Variants in ADAM32 observed in about 807,000 individuals in gnomAD.
ADAM32 encodes ADAM metallopeptidase domain 32, also known as disintegrin and metalloproteinase domain-containing protein 32.
ADAM32 carries 89 observed loss-of-function variants against 114.9 expected under a neutral mutation model. That is an observed-to-expected ratio of 0.77 (90% CI 0.65 to 0.92). ADAM32 has a LOEUF of 0.92. ADAM32 is among the 40% of genes least tolerant of loss of function. The probability of loss-of-function intolerance (pLI) is 0.00; values close to 1 mark genes in which losing one functional copy is unlikely to be tolerated. For synonymous variants in ADAM32, 285 were observed against 307.5 expected, an observed-to-expected ratio of 0.93 and a Z score of 0.77; for missense variants, 870 against 932.8, an observed-to-expected ratio of 0.93 and a Z score of 0.88.
intron 2 of ADAM32, among the ~76,000 whole-genome samples, chr8:39,132,968 A>G (rs1802552977): frequency 6.6e-6 from 1 of 151,926 alleles, no homozygotes; most frequent in African/African-American, 2.4e-5. Flanking sequence ...TTTCTTCTTG[A>G]GGTTGGCTGG....
intron 1 of ADAM32, among the ~76,000 whole-genome samples, chr8:39,108,795 G>T (rs1486666844): frequency 6.6e-6 from 1 of 152,176 alleles, no homozygotes; most frequent in Non-Finnish European, 1.5e-5. Context: ...TGTGGTCAAG[G>T]CCAGGGTGTC....
At chr8:39,254,225 C>CTTTT (rs59048344) in intron 17 of ADAM32, among the ~76,000 whole-genome samples, 189 bp from the exon 18 acceptor site, 1 of 125,334 alleles carries the variant, frequency 8.0e-6, no homozygotes, top group Non-Finnish European at 1.7e-5. Flanking sequence ...CTTTATAGTT[C>CTTTT]TTTTTTTTTT....
intron 4 of ADAM32, among the ~76,000 whole-genome samples, chr8:39,148,924 A>G (rs1427392128): frequency 1.3e-5 from 2 of 152,088 alleles, no homozygotes; most frequent in Non-Finnish European, 2.9e-5. Context: ...TCAGAGACCA[A>G]CTCTATACAA....
At chr8:39,137,055 G>A (rs1019362356) in intron 3 of ADAM32, among the ~76,000 whole-genome samples, 1 of 152,226 alleles carries the variant, frequency 6.6e-6, no homozygotes, top group East Asian at 1.9e-4. Flanking sequence ...TTTTATCAGA[G>A]AAGTGGGATG....
intron 17 of ADAM32, among the ~76,000 whole-genome samples, chr8:39,249,853 A>G (rs1049219923): frequency 6.6e-6 from 1 of 151,974 alleles, no homozygotes; most frequent in Non-Finnish European, 1.5e-5. Flanking sequence ...TCTTTATTTC[A>G]TTTCCATTTT....
chr8:39,270,529 T>G (rs762042838), intron 19 of ADAM32, among the ~76,000 whole-genome samples: 1 of 152,146 alleles, frequency 6.6e-6, no homozygotes, highest in Non-Finnish European at 1.5e-5. Flanking sequence ...GTCTTTTCTT[T>G]AAAAATGAAT....
chr8:39,246,226 T>C (rs1810909800), intron 17 of ADAM32, 60 bp downstream of exon 17: 10 of 1,499,720 alleles, frequency 6.7e-6, no homozygotes, highest in Non-Finnish European at 9.2e-6. Flanking sequence ...CATCACTCAT[T>C]AATTTACTGA....
At chr8:39,219,952 T>A (rs1000497282) in intron 12 of ADAM32, among the ~76,000 whole-genome samples, 1 of 152,186 alleles carries the variant, frequency 6.6e-6, no homozygotes, top group African/African-American at 2.4e-5. Context: ...AAGTGTGTAT[T>A]AGTATTAGGT....
intron 6 of ADAM32, chr8:39,158,764 T>C (rs1352437903): frequency 6.5e-6 from 1 of 152,848 alleles, no homozygotes; most frequent in Non-Finnish European, 1.5e-5. Context: ...TCTTGATTGA[T>C]TTGTTTTGAA....
chr8:39,224,125 A>T (rs982042837), intron 14 of ADAM32: 1 of 152,194 alleles, frequency 6.6e-6, no homozygotes, highest in African/African-American at 2.4e-5. Flanking sequence ...TATACTCAGA[A>T]CACAAATAAA....
chr8:39,134,117 C>T (rs547581933), intron 2 of ADAM32, among the ~76,000 whole-genome samples: 52 of 152,274 alleles, frequency 3.4e-4, no homozygotes, highest in African/African-American at 1.2e-3. Flanking sequence ...TGCGCTGCTG[C>T]AGCCCTCTGG....
chr8:39,240,898 A>G (rs539009308), intron 16 of ADAM32, among the ~76,000 whole-genome samples: 2 of 152,268 alleles, frequency 1.3e-5, no homozygotes, highest in Non-Finnish European at 2.9e-5. Flanking sequence ...ACAGTCCCCC[A>G]AAGTCTTAAC....
chr8:39,247,945 C>T (rs1006642314), intron 17 of ADAM32, among the ~76,000 whole-genome samples: 1 of 151,564 alleles, frequency 6.6e-6, no homozygotes, highest in Non-Finnish European at 1.5e-5. Context: ...TTGTTGAAGT[C>T]TTTCTTTTCT....
chr8:39,163,480 T>C (rs948221717), intron 7 of ADAM32, among the ~76,000 whole-genome samples: 5 of 148,818 alleles, frequency 3.4e-5, no homozygotes, highest in Non-Finnish European at 7.5e-5. Flanking sequence ...GAATCAAATT[T>C]TAAGAGACTG....
At position 39,221,528 on chromosome 8, in the gene ADAM32, A is replaced by G. The variant is rs540373235; in HGVS notation, c.1234-82A>G. Reference sequence around the variant, plus strand: ...ATATCCTTTTCCAAATTCAAACAGTAAGCCCATCAAAATATAACTCCTAGT... The same window carrying G: ...ATATCCTTTTCCAAATTCAAACAGTGAGCCCATCAAAATATAACTCCTAGT... On this transcript the variant is annotated intron_variant, in intron 12 of 24. Transcript: ENST00000379907. 22 of 1,056,148 alleles carry G rather than the reference A, an allele frequency of 2.1e-5. No individual in the cohort carries two copies. The South Asian group carries it at 2.9e-4, about 14-fold the overall frequency. The allele number at this position is 1,056,148 out of a possible 1,614,324, so 65.4% of individuals were successfully genotyped here.
intron 15 of ADAM32, among the ~76,000 whole-genome samples, chr8:39,233,499 G>A (rs1292021339): frequency 6.6e-6 from 1 of 152,082 alleles, no homozygotes; most frequent in African/African-American, 2.4e-5. Flanking sequence ...TCGCCATCTT[G>A]GTTTTGGTAA....
intron 2 of ADAM32, among the ~76,000 whole-genome samples, chr8:39,125,291 G>A (rs1341227551): frequency 1.3e-5 from 2 of 152,048 alleles, no homozygotes; most frequent in East Asian, 3.9e-4. Flanking sequence ...GTCTTGCTAG[G>A]TTTTGGACTT....
chr8:39,211,306 T>C lies in ADAM32; in HGVS notation c.1215T>C (p.Cys405=), dbSNP rs751617176. ...GCAGATTGGAGGGAAATGAAATCTG[T>C]GATTGTGGTACTGAGGCTGTAAGTA... ...GNGRLEGNEI[C]DCGTEAQCGP... The change falls in exon 12 of 25, where the codon TGT becomes TGC. Residue 405 remains cysteine, a synonymous_variant. Transcript: ENST00000379907. The C allele has an allele frequency of 2.6e-5, 40 of 1,563,680 alleles. No homozygotes were observed. The highest frequency in any genetic ancestry group is 3.4e-5 in the Non-Finnish European group (39 of 1,156,494).
chr8:39,223,267 C>A, intron 14 of ADAM32, 29 bp downstream of exon 14: 3 of 1,435,478 alleles, frequency 2.1e-6, no homozygotes, highest in Non-Finnish European at 1.9e-6. Flanking sequence ...ATCTCAATAG[C>A]CCTTAACATT....
Sources: allele counts gnomAD v4.1 joint callset (sites outside exome capture counted in the v4.1 genomes callset), GRCh38; gene constraint gnomAD v4.1.1; transcripts MANE v1.5; gene names NCBI Gene and HGNC (gene_info 2026-07-23, HGNC 2026-07-21).